Variants in CNBD1 observed in about 807,000 individuals in gnomAD.
CNBD1 encodes the protein cyclic nucleotide binding domain containing 1, also known as cyclic nucleotide-binding domain-containing protein 1.
In CNBD1, 71 loss-of-function variants were observed where a neutral mutation model predicts 54.4. That is an observed-to-expected ratio of 1.30 (90% CI 1.08 to 1.59). The LOEUF (loss-of-function observed/expected upper bound fraction) is 1.59. Among genes scored for constraint, CNBD1 ranks in the 40% most tolerant of loss-of-function variants. The pLI, the probability that CNBD1 is intolerant of heterozygous loss-of-function variation, is 0.00. For missense variants in CNBD1, 659 were observed against 518.0 expected (o/e 1.27, Z -2.64); for synonymous variants, 182 against 170.7 (o/e 1.07, Z -0.51).
Position 87,237,055 on chromosome 8 carries a change from T to A in CNBD1, c.714T>A (p.Ser238Arg). ...AGAGTTTCCACAGCTTCATTTGGAG[T>A]GAAGAATTCAAAAACTCTACACTTG... Reference protein sequence around the residue: ...ISQSFHSFIWSEEFKNSTLAE... With the variant: ...ISQSFHSFIWREEFKNSTLAE... The change falls in exon 6 of 11, where the codon AGT becomes AGA. Residue 238 changes from serine to arginine, a missense_variant. By Grantham distance (110) the Ser-to-Arg change is moderately radical. Coordinates refer to ENST00000518476, the MANE Select transcript of CNBD1 (RefSeq NM_173538.3). The A allele has an allele frequency of 6.2e-7, 1 of 1,612,004 alleles. No homozygotes were observed. Among genetic ancestry groups the A allele is most frequent in the South Asian group, 1.1e-5 (1 of 90,908 alleles).
At chr8:87,011,509 G>A (rs1315318625) in intron 4 of CNBD1, among the ~76,000 whole-genome samples, 1 of 151,872 alleles carries the variant, frequency 6.6e-6, no homozygotes, top group Non-Finnish European at 1.5e-5. Flanking sequence ...TTCTTGTTTT[G>A]GAGGTAGGGG....
At chr8:87,136,564 TATTATATTTATATTATATATAA>T (rs1812232224) in intron 4 of CNBD1, among the ~76,000 whole-genome samples, 1 of 99,620 alleles carries the variant, frequency 1.0e-5, no homozygotes, top group Non-Finnish European at 1.9e-5. Context: ...ATAAATTATA[TATTATATTTATATTATATATAA>T]ATTATATATT....
intron 2 of CNBD1, among the ~76,000 whole-genome samples, chr8:87,399,846 C>A (rs1188448177): frequency 6.6e-6 from 1 of 151,926 alleles, no homozygotes; most frequent in Non-Finnish European, 1.5e-5. Flanking sequence ...TACAGCTGAA[C>A]TAGAGTAACC....
chr8:87,305,213 C>G (rs1216453063), intron 8 of CNBD1, among the ~76,000 whole-genome samples: 1 of 151,930 alleles, frequency 6.6e-6, no homozygotes, highest in Non-Finnish European at 1.5e-5. Flanking sequence ...AGTTGAAAGA[C>G]CTCTACAAGG....
intron 10 of CNBD1, among the ~76,000 whole-genome samples, chr8:87,357,157 G>T (rs557341278): frequency 3.4e-4 from 52 of 152,308 alleles, no homozygotes; most frequent in African/African-American, 1.3e-3. Context: ...GAAGGCTCCT[G>T]CAGGGGCCCC....
At chr8:87,341,773 C>T (rs1810068440) in intron 8 of CNBD1, among the ~76,000 whole-genome samples, 1 of 152,210 alleles carries the variant, frequency 6.6e-6, no homozygotes, top group Non-Finnish European at 1.5e-5. Flanking sequence ...GAGAGCAAAA[C>T]CTTACCAGAC....
At chr8:87,258,159 A>G (rs1808057526) in intron 6 of CNBD1, among the ~76,000 whole-genome samples, 1 of 152,144 alleles carries the variant, frequency 6.6e-6, no homozygotes, top group Non-Finnish European at 1.5e-5. Context: ...AGAAAAGACC[A>G]TTTTGAAGCT....
chr8:87,390,387 TAAAC>T (rs1343962763), intron 2 of CNBD1, among the ~76,000 whole-genome samples: 3 of 151,980 alleles, frequency 2.0e-5, no homozygotes, highest in Admixed American at 1.3e-4. Flanking sequence ...ACAATGAACT[TAAAC>T]AAATTTACAA....
intron 6 of CNBD1, among the ~76,000 whole-genome samples, chr8:87,267,008 T>G (rs1027710553): frequency 3.3e-5 from 5 of 152,252 alleles, no homozygotes; most frequent in Admixed American, 3.3e-4. Flanking sequence ...GAAACTATAT[T>G]GATACCTGTT....
At chr8:87,223,419 G>A (rs1214124890) in intron 5 of CNBD1, among the ~76,000 whole-genome samples, 4 of 137,694 alleles carry the variant, frequency 2.9e-5, no homozygotes, top group African/African-American at 2.8e-5. Context: ...AGTTCCCAGA[G>A]TGTGGTGTTC....
chr8:87,266,542 C>T (rs1451124054), intron 6 of CNBD1, among the ~76,000 whole-genome samples: 1 of 148,358 alleles, frequency 6.7e-6, no homozygotes. Flanking sequence ...ACCTCCGCCT[C>T]CCAGGTTCAA....
intron 4 of CNBD1, among the ~76,000 whole-genome samples, chr8:87,191,868 G>T (rs1264493838): frequency 6.6e-6 from 1 of 152,070 alleles, no homozygotes; most frequent in African/African-American, 2.4e-5. Flanking sequence ...AGTGGAGAGA[G>T]AATCAAAATC....
chr8:86,946,595 T>A (rs1406256781), intron 4 of CNBD1, among the ~76,000 whole-genome samples: 3 of 152,128 alleles, frequency 2.0e-5, no homozygotes, highest in African/African-American at 7.2e-5. Context: ...TTAGTGTAAG[T>A]TCTTTCTTAT....
chr8:87,364,844 AG>A (rs1414359711), intron 10 of CNBD1, among the ~76,000 whole-genome samples: 1 of 152,120 alleles, frequency 6.6e-6, no homozygotes, highest in East Asian at 1.9e-4. Context: ...ATGGCTGCAT[AG>A]TATTCCATGG....
chr8:87,295,632 C>G (rs1397074770), intron 8 of CNBD1, among the ~76,000 whole-genome samples: 1 of 151,988 alleles, frequency 6.6e-6, no homozygotes, highest in Non-Finnish European at 1.5e-5. Context: ...TTTTCTCTAC[C>G]TCTTTCTACT....
rs540301156 is a variant in CNBD1, at chr8:87,370,340, A to T, written c.1304-12280A>T. Among the ~76,000 whole-genome samples, 153 of 152,288 alleles carry T rather than the reference A, an allele frequency of 1.0e-3. 1 individual carries two copies. The highest frequency in any genetic ancestry group is 2.9e-3 in the African/African-American group (119 of 41,564). ...AATGGTTGAATTAGTTTACAGTCCC[A>T]TCAACAGTGTAAAAGTGTTCCTATT... On this transcript the variant is annotated intron_variant, in intron 10 of 10. Coordinates refer to ENST00000518476, the MANE Select transcript of CNBD1 (RefSeq NM_173538.3).
In CNBD1 at chr8:86,979,402, C is replaced by CAA. The variant is rs776634552; in HGVS notation, c.431+39673_431+39674dup. Among the ~76,000 whole-genome samples, 100 of 10,388 alleles carry CAA rather than the reference C, an allele frequency of 9.6e-3. 13 individuals carry two copies. The highest frequency in any genetic ancestry group is 0.014 in the Admixed American group (7 of 508). The allele number at this position is 10,388 out of a possible 152,430, so 6.8% of individuals were successfully genotyped here. On this transcript the variant is annotated intron_variant, in intron 4 of 10. Transcript: ENST00000518476. ...GCAACATGGAGAAAAATCATCTCTA[C>CAA]AAAAAAAAAAAAAAAAAAAAAAAAA...
chr8:87,110,884 A>C, intron 4 of CNBD1, among the ~76,000 whole-genome samples: 1 of 152,234 alleles, frequency 6.6e-6, no homozygotes. Context: ...CAATAGCTTC[A>C]TGTAACATAC....
At chr8:87,422,358 G>A (rs1563596260) in intron 2 of CNBD1, among the ~76,000 whole-genome samples, 2 of 138,608 alleles carry the variant, frequency 1.4e-5, no homozygotes, top group East Asian at 2.0e-4. Flanking sequence ...CCGTGCCTAT[G>A]TCCTGAATGG....
Sources: gnomAD v4.1 joint callset for allele counts (sites outside exome capture counted in the v4.1 genomes callset) on GRCh38, gnomAD v4.1.1 for gene constraint, MANE v1.5 for transcripts, NCBI Gene and HGNC (gene_info 2026-07-23, HGNC 2026-07-21) for gene names.